Variants in CDH7 observed in about 807,000 individuals in gnomAD.
CDH7 encodes cadherin 7, also known as cadherin-7.
In CDH7, 25 loss-of-function variants were observed where a neutral mutation model predicts 71.8. The ratio of observed to expected loss-of-function variants is 0.35; its 90% CI spans 0.25 to 0.49. The LOEUF (loss-of-function observed/expected upper bound fraction) is 0.49. Among genes scored for constraint, CDH7 ranks in the 20% least tolerant of loss-of-function variants. CDH7 has a pLI of 0.99. For synonymous variants in CDH7, 381 were observed against 363.8 expected (o/e 1.05, Z -0.54); for missense variants, 862 against 974.6 (o/e 0.88, Z 1.54).
rs772200852 is a variant in CDH7 at position 65,843,923 on chromosome 18, A to C, written c.1093A>C (p.Lys365Gln). 6.2e-7 allele frequency: 1 copy of C among 1,610,458 alleles called. No individual in the cohort carries two copies. The change falls in exon 7 of 12, where the codon AAG becomes CAG. Residue 365 changes from lysine to glutamine, a missense_variant. Lys to Gln is a moderately conservative substitution (Grantham distance 53). Coordinates refer to ENST00000397968, the MANE Select transcript of CDH7 (RefSeq NM_004361.5). ...LGPFSDTTTVKIIVEDVDEPP... is the reference protein window; with the variant it reads ...LGPFSDTTTVQIIVEDVDEPP... ...TCCGTTCAGTGACACGACAACTGTG[A>C]AGATAATTGTGGAAGATGTAGATGA...
At chr18:65,812,628 T>G (rs2143913518) in intron 3 of CDH7, among the ~76,000 whole-genome samples, 1 of 152,324 alleles carries the variant, frequency 6.6e-6, no homozygotes, top group Non-Finnish European at 1.5e-5. Flanking sequence ...GCCTTTAGGA[T>G]ACTTTATTTA....
chr18:65,782,316 G>T (rs538768497), intron 2 of CDH7, among the ~76,000 whole-genome samples: 2 of 151,410 alleles, frequency 1.3e-5, no homozygotes, highest in African/African-American at 4.9e-5. Context: ...ACAGGCATGC[G>T]CCACCACACC....
At position 65,847,974 on chromosome 18, in the gene CDH7, A is replaced by AT. The variant is rs11295910; in HGVS notation, c.1235+3920dup. The stretch of plus-strand genomic sequence containing the variant: ...AGATTACTTAGAGGGAAAAAAAACG[A>AT]TTTTTTTTTTTAAAGAAAAATGGGT... On this transcript the variant is annotated intron_variant, in intron 7 of 11. Coordinates refer to ENST00000397968, the MANE Select transcript of CDH7 (RefSeq NM_004361.5). Among the ~76,000 whole-genome samples the AT allele has an allele frequency of 6.0e-5, 9 of 151,160 alleles. No individual in the cohort carries two copies. In the South Asian group the frequency reaches 8.4e-4, roughly 14 times the overall value.
intron 10 of CDH7, among the ~76,000 whole-genome samples, chr18:65,862,405 C>T (rs1034080316): frequency 3.3e-5 from 5 of 152,110 alleles, no homozygotes; most frequent in Non-Finnish European, 7.4e-5. Flanking sequence ...ATAAGTGATG[C>T]ATAAACATTT....
chr18:65,783,362 A>G (rs1910383822), intron 2 of CDH7, among the ~76,000 whole-genome samples: 1 of 152,210 alleles, frequency 6.6e-6, no homozygotes, highest in Non-Finnish European at 1.5e-5. Context: ...AAAGCTTATA[A>G]CATCACTCAT....
chr18:65,873,421 C>T (rs527454443), intron 11 of CDH7, among the ~76,000 whole-genome samples: 2 of 151,994 alleles, frequency 1.3e-5, no homozygotes, highest in Non-Finnish European at 2.9e-5. Flanking sequence ...GAAATTTTCA[C>T]GTAGCTTTAT....
chr18:65,872,086 A>C (rs1455860073), intron 11 of CDH7, among the ~76,000 whole-genome samples: 1 of 152,176 alleles, frequency 6.6e-6, no homozygotes, highest in African/African-American at 2.4e-5. Context: ...GAAGAAAATA[A>C]AATTGTTTAT....
intron 2 of CDH7, among the ~76,000 whole-genome samples, chr18:65,801,892 A>T (rs1202316858): frequency 3.9e-5 from 6 of 152,252 alleles, no homozygotes; most frequent in African/African-American, 9.6e-5. Context: ...TGGACAAAGC[A>T]GTGTAGTGCA....
intron 6 of CDH7, among the ~76,000 whole-genome samples, chr18:65,831,928 G>A (rs1398575695): frequency 6.6e-6 from 1 of 151,942 alleles, no homozygotes; most frequent in Non-Finnish European, 1.5e-5. Flanking sequence ...TTTTTGGTTG[G>A]TCTCCCAGTC....
At position 65,886,385 on chromosome 18, in the gene CDH7, ATAAT is replaced by A. The variant is rs1370411045; in HGVS notation, c.*5497_*5500del. 20 of 113,218 alleles carry A rather than the reference ATAAT, an allele frequency of 1.8e-4. No individual in the cohort carries two copies. The highest frequency in any genetic ancestry group is 1.9e-5 in the Non-Finnish European group (1 of 53,600). 7.0% of individuals were successfully genotyped at this position (113,218 alleles called of 1,614,324 possible). A position where few individuals can be genotyped will look rare whatever the true frequency, so the allele number is the denominator to read the frequency against. On this transcript the variant is annotated 3_prime_UTR_variant, in exon 12 of 12. Transcript: ENST00000397968. Reference sequence around the variant, plus strand: ...AATAATATTCAAATAGATAATTGTCATAATTAATTGAAGCCACTCAAATACAGTT... The same window carrying A: ...AATAATATTCAAATAGATAATTGTCATAATTGAAGCCACTCAAATACAGTT...
At chr18:65,750,308 T>C (rs1915826587), upstream of CDH7, 1 of 150,966 alleles carries the variant, frequency 6.6e-6, no homozygotes, top group African/African-American at 2.4e-5. Context: ...AAACTGTAAG[T>C]TCTGATTAGT....
At chr18:65,858,262 C>T (rs1913435683) in intron 8 of CDH7, among the ~76,000 whole-genome samples, 1 of 151,794 alleles carries the variant, frequency 6.6e-6, no homozygotes, top group South Asian at 2.1e-4. Flanking sequence ...AAATAACTTA[C>T]AGTAATTAGT....
At position 65,857,804 on chromosome 18, in the gene CDH7, A is replaced by T. The variant is rs752936317; in HGVS notation, c.1236-12A>T. 3 of 1,608,326 alleles carry T rather than the reference A, an allele frequency of 1.9e-6. No homozygotes were observed. Among genetic ancestry groups the T allele is most frequent in the East Asian group, 4.5e-5 (2 of 44,774 alleles). ...ATGTTGAAGGCTTTTCTTTTCTTCAATGTTCAATTAGGTACTCAATTGACA... is the reference window on the plus strand; with the variant it reads ...ATGTTGAAGGCTTTTCTTTTCTTCATTGTTCAATTAGGTACTCAATTGACA... On this transcript the variant is annotated splice_polypyrimidine_tract_variant and intron_variant, in intron 7 of 11. Transcript: ENST00000397968.
intron 2 of CDH7, among the ~76,000 whole-genome samples, chr18:65,780,180 G>A (rs1910126693): frequency 8.8e-6 from 1 of 113,236 alleles, no homozygotes; most frequent in Admixed American, 8.3e-5. Context: ...ATTTGTTTGA[G>A]TTCATTGTAG....
In CDH7 at chr18:65,840,392, A is replaced by G. The variant is rs34993288; in HGVS notation, c.982-3420A>G. On this transcript the variant is annotated intron_variant, in intron 6 of 11. Transcript: ENST00000397968. ...CTGGGAACCCTAGAGATGCTAAAAG[A>G]GAAGCAGCGCTTTTTTTTTTAACCC... 4.1e-3 allele frequency among the ~76,000 whole-genome samples: 541 copies of G among 132,966 alleles called. 2 individuals carry two copies. Among genetic ancestry groups the G allele is most frequent in the Non-Finnish European group, 6.9e-3 (427 of 62,124 alleles). The allele number at this position is 132,966 out of a possible 152,430, so 87.2% of individuals were successfully genotyped here.
At chr18:65,846,494 T>A (rs1463060345) in intron 7 of CDH7, among the ~76,000 whole-genome samples, 1 of 152,202 alleles carries the variant, frequency 6.6e-6, no homozygotes. Flanking sequence ...AATTAATTTC[T>A]TGAGTCATGT....
chr18:65,862,620 A>G (rs1409007474), intron 10 of CDH7, 46 bp from the exon 11 acceptor site: 1 of 1,586,308 alleles, frequency 6.3e-7, no homozygotes, highest in Non-Finnish European at 8.6e-7. Context: ...GGGAAGACTG[A>G]TTCCATCAGA....
At chr18:65,755,295 C>T (rs1916000048) in intron 1 of CDH7, among the ~76,000 whole-genome samples, 1 of 152,158 alleles carries the variant, frequency 6.6e-6, no homozygotes, top group Non-Finnish European at 1.5e-5. Context: ...CCATTTTGTT[C>T]AAAGTAAAGC....
chr18:65,820,721 G>A (rs892428777), intron 4 of CDH7, among the ~76,000 whole-genome samples: 1 of 152,076 alleles, frequency 6.6e-6, no homozygotes, highest in African/African-American at 2.4e-5. Context: ...CTTATAAAAA[G>A]ACAATTAGAA....
Sources: allele counts gnomAD v4.1 joint callset (sites outside exome capture counted in the v4.1 genomes callset), GRCh38; gene constraint gnomAD v4.1.1; transcripts MANE v1.5; gene names NCBI Gene and HGNC (gene_info 2026-07-23, HGNC 2026-07-21).